CCDC171: variants seen among roughly 807,000 people sequenced by gnomAD.
CCDC171 encodes the protein coiled-coil domain-containing protein 171.
CCDC171 carries 177 observed loss-of-function variants against 168.2 expected under a neutral mutation model. The observed-to-expected ratio is 1.05, with a 90% CI of 0.93 to 1.19. CCDC171 has a LOEUF of 1.19. CCDC171 is among the 50% of genes most tolerant of loss of function. The pLI is 0.00. For synonymous variants in CCDC171, 687 were observed against 540.8 expected (o/e 1.27, Z -3.75); for missense variants, 1,991 against 1,539.0 (o/e 1.29, Z -4.91).
intron 24 of CCDC171, among the ~76,000 whole-genome samples, chr9:15,895,976 T>TGTCCATATGCAATGGTTTTCAC (rs1228235476): frequency 1.3e-5 from 2 of 152,084 alleles, no homozygotes; most frequent in Non-Finnish European, 2.9e-5. Context: ...ATGGTTTTCA[T>TGTCCATATGCAATGGTTTTCAC]GTCCATATGC....
intron 7 of CCDC171, among the ~76,000 whole-genome samples, chr9:15,651,549 G>A (rs975599142): frequency 2.0e-5 from 3 of 152,020 alleles, no homozygotes; most frequent in East Asian, 1.9e-4. Context: ...GAGCCACCAT[G>A]CCCAGCCGAG....
At position 15,562,611 on chromosome 9, in the gene CCDC171, G is replaced by A. The variant is rs142817453; in HGVS notation, c.-111-1367G>A. On this transcript the variant is annotated intron_variant, in intron 1 of 25. Transcript: ENST00000380701. ...TGCCACACTTCTCTGCCCAATATAC[G>A]AAAACATGATTAAGGCCCTAACTAT... Among the ~76,000 whole-genome samples, 13 of 152,172 alleles carry A rather than the reference G, an allele frequency of 8.5e-5. No homozygotes were observed. The East Asian group carries it at 2.1e-3, about 25-fold the overall frequency.
At chr9:15,557,405 C>G (rs112353137) in intron 1 of CCDC171, among the ~76,000 whole-genome samples, 1 of 152,046 alleles carries the variant, frequency 6.6e-6, no homozygotes, top group African/African-American at 2.4e-5. Flanking sequence ...TTTGTGTCCT[C>G]TTTTATTTTG....
chr9:15,581,372 T>C (rs984531908), intron 4 of CCDC171, among the ~76,000 whole-genome samples: 1 of 152,180 alleles, frequency 6.6e-6, no homozygotes, highest in South Asian at 2.1e-4. Context: ...AATGTATAGA[T>C]TGAATGCTGT....
intron 18 of CCDC171, among the ~76,000 whole-genome samples, chr9:15,748,229 T>TGAA (rs1252057684): frequency 6.6e-6 from 1 of 152,074 alleles, no homozygotes; most frequent in Admixed American, 6.6e-5. Context: ...TATCCGTGAT[T>TGAA]GAAGATCAAA....
chr9:15,570,392 T>G (rs1231414825), intron 2 of CCDC171, among the ~76,000 whole-genome samples: 1 of 151,682 alleles, frequency 6.6e-6, no homozygotes, highest in African/African-American at 2.4e-5. Flanking sequence ...TTAGTTTTTT[T>G]TTTCCCCTCT....
At chr9:15,573,470 T>C (rs961756681) in intron 3 of CCDC171, among the ~76,000 whole-genome samples, 1 of 151,466 alleles carries the variant, frequency 6.6e-6, no homozygotes, top group African/African-American at 2.4e-5. Flanking sequence ...TTAGTAGAGA[T>C]GGGGTTTTAC....
chr9:15,633,219 G>A (rs543950133), intron 7 of CCDC171, among the ~76,000 whole-genome samples: 44 of 152,212 alleles, frequency 2.9e-4, no homozygotes, highest in South Asian at 2.7e-3. Flanking sequence ...AGAAACTACC[G>A]TCAGAGTGAA....
intron 23 of CCDC171, among the ~76,000 whole-genome samples, chr9:15,856,876 T>A (rs2061366683): frequency 6.6e-6 from 1 of 152,002 alleles, no homozygotes; most frequent in African/African-American, 2.4e-5. Context: ...CCTTGTCTTT[T>A]AAAAAAATTT....
intron 6 of CCDC171, among the ~76,000 whole-genome samples, chr9:15,608,941 T>G (rs2043430583): frequency 3.1e-5 from 1 of 32,168 alleles, no homozygotes; most frequent in African/African-American, 9.8e-5. Flanking sequence ...CAAGACCCTG[T>G]CTCAAAAAAA....
At chr9:15,701,205 G>A (rs772392501) in intron 11 of CCDC171, among the ~76,000 whole-genome samples, 1 of 152,162 alleles carries the variant, frequency 6.6e-6, no homozygotes, top group Non-Finnish European at 1.5e-5. Context: ...TCTTCACTCT[G>A]TTGATTGTTT....
intron 25 of CCDC171, among the ~76,000 whole-genome samples, chr9:15,958,641 G>C (rs889972955): frequency 1.3e-5 from 2 of 151,642 alleles, no homozygotes; most frequent in African/African-American, 2.4e-5. Flanking sequence ...AGGAGTTAAC[G>C]TGATGAAGAA....
At chr9:15,869,605 A>G (rs2061944373) in intron 23 of CCDC171, among the ~76,000 whole-genome samples, 1 of 151,508 alleles carries the variant, frequency 6.6e-6, no homozygotes, top group Non-Finnish European at 1.5e-5. Flanking sequence ...TGTATTTACA[A>G]AAGACTCTCC....
At chr9:16,095,135 G>A in the CCDC171 span, among the ~76,000 whole-genome samples, 2 of 152,130 alleles carry the variant, frequency 1.3e-5, no homozygotes, top group African/African-American at 2.4e-5. Flanking sequence ...CTTTATAAAT[G>A]TCTGAGTCTC....
chr9:15,618,825 C>T (rs1485362075), intron 6 of CCDC171, among the ~76,000 whole-genome samples: 2 of 151,890 alleles, frequency 1.3e-5, no homozygotes, highest in Non-Finnish European at 2.9e-5. Flanking sequence ...GCTTGCTCTC[C>T]GTGGGTTGCA....
At chr9:16,021,209 T>A (rs1165399304) in intron 4 of CCDC171, among the ~76,000 whole-genome samples, 1 of 152,146 alleles carries the variant, frequency 6.6e-6, no homozygotes, top group African/African-American at 2.4e-5. Flanking sequence ...TGCCTCAGCC[T>A]CCCGAGTAGC....
intron 1 of CCDC171, among the ~76,000 whole-genome samples, chr9:16,058,832 C>G (rs1015854361): frequency 1.3e-5 from 2 of 152,198 alleles, no homozygotes; most frequent in Admixed American, 1.3e-4. Flanking sequence ...CAGCAAAGTT[C>G]TAAGGCAGGA....
At chr9:15,582,025 C>T (rs1381741743) in intron 4 of CCDC171, among the ~76,000 whole-genome samples, 1 of 152,206 alleles carries the variant, frequency 6.6e-6, no homozygotes, top group Non-Finnish European at 1.5e-5. Flanking sequence ...CTTTTGCAAT[C>T]TATCCATCTG....
At chr9:15,822,138 A>C (rs1222165262) in intron 21 of CCDC171, among the ~76,000 whole-genome samples, 1 of 152,208 alleles carries the variant, frequency 6.6e-6, no homozygotes, top group Non-Finnish European at 1.5e-5. Flanking sequence ...ATATGTAGAA[A>C]GCTGACACTG....
Sources: allele counts gnomAD v4.1 joint callset (sites outside exome capture counted in the v4.1 genomes callset), GRCh38; gene constraint gnomAD v4.1.1; transcripts MANE v1.5; gene names NCBI Gene and HGNC (gene_info 2026-07-23, HGNC 2026-07-21).